The following CDH8 variants were observed in gnomAD, a reference collection of about 807,000 sequenced individuals.
CDH8 encodes the protein cadherin-8.
In CDH8, 17 loss-of-function variants were observed where a neutral mutation model predicts 68.1. That is an observed-to-expected ratio of 0.25 (90% confidence interval 0.17 to 0.37). The LOEUF (loss-of-function observed/expected upper bound fraction) is 0.37. Among genes scored for constraint, CDH8 ranks in the 10% least tolerant of loss-of-function variants. The probability of loss-of-function intolerance (pLI) is 1.00; values close to 1 mark genes in which losing one functional copy is unlikely to be tolerated. For synonymous variants in CDH8, 372 were observed against 365.1 expected (o/e 1.02, Z -0.21); for missense variants, 763 against 999.3 (o/e 0.76, Z 3.19).
chr16:61,675,837 A>G (rs1409775316), intron 10 of CDH8, among the ~76,000 whole-genome samples: 1 of 151,248 alleles, frequency 6.6e-6, no homozygotes, highest in Non-Finnish European at 1.5e-5. Context: ...CTTGAAGTTA[A>G]AGTTTGATAA....
At chr16:61,690,653 T>C (rs1188710752) in intron 10 of CDH8, among the ~76,000 whole-genome samples, 1 of 152,010 alleles carries the variant, frequency 6.6e-6, no homozygotes, top group Non-Finnish European at 1.5e-5. Context: ...GTTGTTGTTG[T>C]TGTTGTTTAT....
chr16:61,690,378 C>T (rs1964195006), intron 10 of CDH8, among the ~76,000 whole-genome samples: 1 of 151,986 alleles, frequency 6.6e-6, no homozygotes, highest in African/African-American at 2.4e-5. Context: ...AACCCTCTTG[C>T]TAAATGTGTT....
At chr16:61,703,077 A>T (rs79995237) in intron 10 of CDH8, among the ~76,000 whole-genome samples, 3 of 152,200 alleles carry the variant, frequency 2.0e-5, no homozygotes, top group African/African-American at 7.2e-5. Context: ...CAAAACTCCC[A>T]AATAAAATCA....
At chr16:61,933,804 T>C (rs1597075292) in intron 2 of CDH8, among the ~76,000 whole-genome samples, 1 of 152,204 alleles carries the variant, frequency 6.6e-6, no homozygotes, top group East Asian at 1.9e-4. Flanking sequence ...TAAGGTCTCA[T>C]ATGGTCTAGT....
At chr16:61,872,830 A>G (rs1963393063) in intron 3 of CDH8, among the ~76,000 whole-genome samples, 4 of 152,154 alleles carry the variant, frequency 2.6e-5, no homozygotes, top group Admixed American at 2.6e-4. Context: ...TGAACTTGCT[A>G]TGGGATATAC....
chr16:61,990,930 AAAAG>A (rs978344566), intron 2 of CDH8, among the ~76,000 whole-genome samples: 4 of 151,582 alleles, frequency 2.6e-5, no homozygotes, highest in Non-Finnish European at 5.9e-5. Context: ...GGAAGGAAGG[AAAAG>A]AAAGAAACAG....
rs926508979 is a variant in CDH8, at chr16:61,893,243, C to A, written c.547+7936G>T. Among the ~76,000 whole-genome samples, 4 of 152,090 alleles carry A rather than the reference C, an allele frequency of 2.6e-5. No homozygotes were observed. The East Asian group carries it at 7.7e-4, about 29-fold the overall frequency. On this transcript the variant is annotated intron_variant, in intron 3 of 11. Coordinates refer to ENST00000577390, the MANE Select transcript of CDH8 (RefSeq NM_001796.5). ...GTATCTTTCCACAGCCTTTTTAGATCGACACCGATCATTGGACTTAGGGCC... is the reference window on the plus strand; with the variant it reads ...GTATCTTTCCACAGCCTTTTTAGATAGACACCGATCATTGGACTTAGGGCC...
At chr16:61,759,143 T>C (rs539758074) in intron 8 of CDH8, among the ~76,000 whole-genome samples, 6 of 152,292 alleles carry the variant, frequency 3.9e-5, no homozygotes, top group South Asian at 4.2e-4. Flanking sequence ...GTGAGTGTGA[T>C]TGCTGTCTAA....
Position 61,991,960 on chromosome 16 carries a change from G to A in CDH8, c.252+29192C>T, listed in dbSNP as rs116873763. On this transcript the variant is annotated intron_variant, in intron 2 of 11. Coordinates refer to ENST00000577390, the MANE Select transcript of CDH8 (RefSeq NM_001796.5). The stretch of plus-strand genomic sequence containing the variant: ...GATCAGACAGCGGGGGATTTAACAC[G>A]TTGTTGTTGTTGTTTAACTTGTTGG... Among the ~76,000 whole-genome samples the A allele has an allele frequency of 5.5e-3, 834 of 151,882 alleles. 4 individuals are homozygous for A. The Middle Eastern group carries it at 0.065, about 12-fold the overall frequency.
intron 10 of CDH8, chr16:61,667,118 A>G (rs758684548): frequency 6.6e-6 from 1 of 152,018 alleles, no homozygotes; most frequent in Non-Finnish European, 1.5e-5. Flanking sequence ...GGATATTCTA[A>G]GCCACCTAAT....
At chr16:61,862,786 T>C (rs1053195411) in intron 3 of CDH8, among the ~76,000 whole-genome samples, 4 of 152,136 alleles carry the variant, frequency 2.6e-5, no homozygotes, top group African/African-American at 9.7e-5. Context: ...CGAAGGCAAA[T>C]TGAAATGTGT....
chr16:61,700,690 G>A (rs1964411637), intron 10 of CDH8, among the ~76,000 whole-genome samples: 1 of 152,148 alleles, frequency 6.6e-6, no homozygotes, highest in African/African-American at 2.4e-5. Context: ...AGCTAAAAAT[G>A]TTGATCTCTT....
At chr16:61,781,046 T>C (rs755893511) in intron 8 of CDH8, among the ~76,000 whole-genome samples, 1 of 152,254 alleles carries the variant, frequency 6.6e-6, no homozygotes, top group Non-Finnish European at 1.5e-5. Context: ...AGCTTGTTTC[T>C]TGGCCAAAAT....
At chr16:61,927,251 G>C (rs1432651605) in intron 2 of CDH8, among the ~76,000 whole-genome samples, 1 of 152,120 alleles carries the variant, frequency 6.6e-6, no homozygotes, top group African/African-American at 2.4e-5. Context: ...GAGTCAGTAT[G>C]GGGTTTACAT....
chr16:61,873,317 C>T (rs921192271), intron 3 of CDH8, among the ~76,000 whole-genome samples: 1 of 152,128 alleles, frequency 6.6e-6, no homozygotes, highest in Non-Finnish European at 1.5e-5. Context: ...GGCTTTGTCT[C>T]TGAAAGGAAT....
At chr16:61,988,048 A>C (rs911581461) in intron 2 of CDH8, among the ~76,000 whole-genome samples, 2 of 152,140 alleles carry the variant, frequency 1.3e-5, no homozygotes, top group African/African-American at 4.8e-5. Context: ...TTAGAGAATA[A>C]AATTTTTTGT....
At chr16:61,953,508 T>C (rs1201507686) in intron 2 of CDH8, among the ~76,000 whole-genome samples, 1 of 151,586 alleles carries the variant, frequency 6.6e-6, no homozygotes. Context: ...AAGAAAACTA[T>C]ATATAATGCT....
intron 3 of CDH8, among the ~76,000 whole-genome samples, chr16:61,858,303 T>C (rs1567503073): frequency 6.6e-6 from 1 of 152,098 alleles, no homozygotes; most frequent in Non-Finnish European, 1.5e-5. Context: ...AGGTAGAGTT[T>C]AACCAGGAGA....
At position 61,652,222 on chromosome 16, in the gene CDH8, C is replaced by T; in HGVS notation, c.*1386G>A. On this transcript the variant is annotated 3_prime_UTR_variant, in exon 12 of 12. Transcript: ENST00000577390. ...ATGCTCACATCTTCTAGTGCTGTTC[C>T]TTTTTGGAGTCTAAGACATTCTGTG... 1 of 983,166 alleles carries T rather than the reference C, an allele frequency of 1.0e-6. No individual in the cohort carries two copies. Among genetic ancestry groups the T allele is most frequent in the Middle Eastern group, 5.2e-4 (1 of 1,912 alleles). The allele number at this position is 983,166 out of a possible 1,614,324, so 60.9% of individuals were successfully genotyped here. A position where few individuals can be genotyped will look rare whatever the true frequency, so the allele number is the denominator to read the frequency against.
Sources: allele counts gnomAD v4.1 joint callset (sites outside exome capture counted in the v4.1 genomes callset), GRCh38; gene constraint gnomAD v4.1.1; transcripts MANE v1.5; gene names NCBI Gene and HGNC (gene_info 2026-07-23, HGNC 2026-07-21).